TIMM9: variants seen among roughly 807,000 people sequenced by gnomAD.
The protein encoded by TIMM9 is translocase of inner mitochondrial membrane 9.
TIMM9 carries 10 observed loss-of-function variants against 13.4 expected under a neutral mutation model. The ratio of observed to expected loss-of-function variants is 0.75; its 90% CI spans 0.46 to 1.26. The LOEUF is 1.26. Among genes scored for constraint, TIMM9 ranks in the 50% most tolerant of loss-of-function variants. The probability of loss-of-function intolerance (pLI) is 0.00; values close to 1 mark genes in which losing one functional copy is unlikely to be tolerated. For missense variants in TIMM9, 87 were observed against 100.8 expected (o/e 0.86, Z 0.58); for synonymous variants, 32 against 32.1 (o/e 1.00, Z 0.01).
chr14:58,409,073 G>C lies in TIMM9; in HGVS notation c.231C>G (p.Ala77=), dbSNP rs1042767340. Reference sequence around the variant, plus strand: ...CAAGGAGTCCTGCTTTGGCTGCCAGGGCTTCATTCTGCTGAATATGATATT... The same window carrying C: ...CAAGGAGTCCTGCTTTGGCTGCCAGCGCTTCATTCTGCTGAATATGATATT... ...FQEYHIQQNE[A]LAAKAGLLGQ... The change falls in exon 6 of 6, where the codon GCC becomes GCG. Residue 77 remains alanine, a synonymous_variant. Transcript: ENST00000395159. 6 of 1,613,538 alleles carry C rather than the reference G, an allele frequency of 3.7e-6. No homozygotes were observed. Among genetic ancestry groups the C allele is most frequent in the Non-Finnish European group, 5.1e-6 (6 of 1,179,868 alleles).
chr14:58,413,849 T>C (rs1401258358), intron 3 of TIMM9, among the ~76,000 whole-genome samples: 1 of 149,810 alleles, frequency 6.7e-6, no homozygotes, highest in Non-Finnish European at 1.5e-5. Context: ...TTACTAAAAA[T>C]ACAAAAAATT....
chr14:58,414,065 CAG>C (rs1299888970), intron 3 of TIMM9, among the ~76,000 whole-genome samples: 1 of 45,152 alleles, frequency 2.2e-5, no homozygotes, highest in Non-Finnish European at 4.6e-5. Flanking sequence ...CTGTTTGAAA[CAG>C]AAATTAAACA....
intron 3 of TIMM9, among the ~76,000 whole-genome samples, chr14:58,419,462 C>CACACACACACACAA (rs2036520548): frequency 1.5e-5 from 2 of 137,700 alleles, no homozygotes; most frequent in Non-Finnish European, 3.2e-5. Flanking sequence ...CACACACACA[C>CACACACACACACAA]ACACACACAC....
intron 3 of TIMM9, among the ~76,000 whole-genome samples, chr14:58,418,119 T>C (rs949803170): frequency 1.3e-5 from 2 of 152,208 alleles, no homozygotes; most frequent in African/African-American, 4.8e-5. Context: ...AAAAGAATTA[T>C]ACAACTTGAC....
At chr14:58,422,204 C>T (rs961608357) in intron 3 of TIMM9, among the ~76,000 whole-genome samples, 56 of 151,756 alleles carry the variant, frequency 3.7e-4, no homozygotes, top group African/African-American at 1.3e-3. Flanking sequence ...CAATCTCCGC[C>T]TCCCAGGTTC....
intron 3 of TIMM9, among the ~76,000 whole-genome samples, chr14:58,418,850 A>G (rs2036497664): frequency 6.6e-6 from 1 of 152,152 alleles, no homozygotes; most frequent in East Asian, 1.9e-4. Flanking sequence ...CAGAAGACTC[A>G]ATATAGTAAG....
At chr14:58,416,088 C>T (rs368353495) in intron 3 of TIMM9, among the ~76,000 whole-genome samples, 5 of 151,434 alleles carry the variant, frequency 3.3e-5, no homozygotes, top group East Asian at 1.9e-4. Context: ...AGCAGCTGGC[C>T]GTGGTGGCAC....
intron 2 of TIMM9, among the ~76,000 whole-genome samples, chr14:58,424,677 G>A (rs553949134): frequency 8.7e-4 from 133 of 152,230 alleles, no homozygotes; most frequent in African/African-American, 3.0e-3. Context: ...ACATCAGCCT[G>A]GGCAACATGG....
chr14:58,412,205 C>T, intron 3 of TIMM9: 38 of 366,540 alleles, frequency 1.0e-4, no homozygotes, highest in South Asian at 1.6e-4. Flanking sequence ...CGCAGTGGCG[C>T]CATCTTGGCT....
At chr14:58,409,238 A>G in intron 5 of TIMM9, 70 bp from the exon 6 acceptor site, 1 of 1,561,144 alleles carries the variant, frequency 6.4e-7, no homozygotes, top group Non-Finnish European at 8.7e-7. Flanking sequence ...ATGTATTCTA[A>G]AAGAATCAGT....
At chr14:58,412,180 G>A in intron 3 of TIMM9, 1 of 423,146 alleles carries the variant, frequency 2.4e-6, no homozygotes, top group Non-Finnish European at 4.3e-6. Flanking sequence ...GTCTCACTCT[G>A]TCACCAGGCT....
intron 3 of TIMM9, among the ~76,000 whole-genome samples, chr14:58,421,964 C>A (rs1330029381): frequency 1.3e-5 from 2 of 150,586 alleles, no homozygotes; most frequent in African/African-American, 2.4e-5. Context: ...CAGTTCACAT[C>A]AAAAAATAAC....
At chr14:58,420,895 G>A (rs1298470270) in intron 3 of TIMM9, among the ~76,000 whole-genome samples, 1 of 151,722 alleles carries the variant, frequency 6.6e-6, no homozygotes, top group East Asian at 1.9e-4. Context: ...CCAAATGCTA[G>A]TGAGGACATG....
At chr14:58,411,448 A>C (rs2036213162) in intron 4 of TIMM9, among the ~76,000 whole-genome samples, 2 of 149,270 alleles carry the variant, frequency 1.3e-5, no homozygotes, top group African/African-American at 2.4e-5. Flanking sequence ...ACTGTGTCCA[A>C]AAAAAAAAAG....
rs1230548269 is a variant in TIMM9, at chr14:58,413,253, CAT to C, written c.-26-1284_-26-1283del. Reference sequence around the variant, plus strand: ...AAATCTATTGTTGAAAAAGTAGATTCATATATCTGAGCCACTCCAAATACACT... The same window carrying C: ...AAATCTATTGTTGAAAAAGTAGATTCATATCTGAGCCACTCCAAATACACT... On this transcript the variant is annotated intron_variant, in intron 3 of 5. Coordinates refer to ENST00000395159, the MANE Select transcript of TIMM9 (RefSeq NM_012460.4). 2.6e-5 allele frequency among the ~76,000 whole-genome samples: 4 copies of C among 152,118 alleles called. No homozygotes were observed. The East Asian group carries it at 5.8e-4, about 22-fold the overall frequency.
At chr14:58,412,624 G>A (rs1273106543) in intron 3 of TIMM9, among the ~76,000 whole-genome samples, 1 of 152,088 alleles carries the variant, frequency 6.6e-6, no homozygotes, top group Non-Finnish European at 1.5e-5. Context: ...AAAAAAGCTG[G>A]GTGTGGTGGC....
intron 3 of TIMM9, among the ~76,000 whole-genome samples, chr14:58,422,013 C>CTT (rs34329213): frequency 3.3e-5 from 4 of 121,222 alleles, no homozygotes; most frequent in Admixed American, 8.1e-5. Context: ...AAAATCTGTT[C>CTT]TTTTTTTTTT....
intron 3 of TIMM9, among the ~76,000 whole-genome samples, chr14:58,415,090 A>C (rs991415433): frequency 6.6e-6 from 1 of 152,216 alleles, no homozygotes; most frequent in Non-Finnish European, 1.5e-5. Flanking sequence ...AAGCCTGGTG[A>C]GGAGCCAGAA....
At chr14:58,412,553 A>C (rs1004041446) in intron 3 of TIMM9, among the ~76,000 whole-genome samples, 1 of 152,126 alleles carries the variant, frequency 6.6e-6, no homozygotes, top group Non-Finnish European at 1.5e-5. Context: ...TTAAAGCCCC[A>C]TTCCTAGGAG....
Sources: allele counts gnomAD v4.1 joint callset (sites outside exome capture counted in the v4.1 genomes callset), GRCh38; gene constraint gnomAD v4.1.1; transcripts MANE v1.5; gene names NCBI Gene and HGNC (gene_info 2026-07-23, HGNC 2026-07-21).